PHLDB2: variants seen among roughly 807,000 people sequenced by gnomAD.
The protein encoded by PHLDB2 is pleckstrin homology like domain family B member 2.
PHLDB2 carries 71 observed loss-of-function variants against 123.6 expected under a neutral mutation model. The observed-to-expected ratio is 0.57, with a 90% confidence interval of 0.47 to 0.70. The LOEUF (loss-of-function observed/expected upper bound fraction) is 0.70, where lower values mean the gene tolerates loss of function less well. PHLDB2 is among the 30% of genes least tolerant of loss of function. The pLI is 0.00. For missense variants in PHLDB2, 1,446 were observed against 1,519.5 expected (o/e 0.95, Z 0.80); for synonymous variants, 547 against 541.6 (o/e 1.01, Z -0.14).
At chr3:111,954,793 T>C (rs947035859) in intron 12 of PHLDB2, among the ~76,000 whole-genome samples, 10 of 152,180 alleles carry the variant, frequency 6.6e-5, no homozygotes, top group Admixed American at 6.5e-4. Context: ...TTATAGTCTA[T>C]TGAGGAAGAA....
At chr3:111,930,829 A>C (rs1233981021) in intron 5 of PHLDB2, among the ~76,000 whole-genome samples, 1 of 152,228 alleles carries the variant, frequency 6.6e-6, no homozygotes, top group Non-Finnish European at 1.5e-5. Context: ...TTACAGAACC[A>C]TGTTAGATTG....
intron 2 of PHLDB2, among the ~76,000 whole-genome samples, chr3:111,848,261 G>T (rs1400233049): frequency 6.6e-6 from 1 of 152,086 alleles, no homozygotes; most frequent in Non-Finnish European, 1.5e-5. Context: ...ACTTTCCTTT[G>T]AGAACTAATT....
intron 1 of PHLDB2, among the ~76,000 whole-genome samples, chr3:111,773,289 C>G (rs923097657): frequency 6.6e-6 from 1 of 152,180 alleles, no homozygotes; most frequent in African/African-American, 2.4e-5. Flanking sequence ...TCATGAATCT[C>G]ATTTTTAACC....
At chr3:111,829,684 G>A (rs1432716273) in intron 1 of PHLDB2, among the ~76,000 whole-genome samples, 3 of 151,626 alleles carry the variant, frequency 2.0e-5, no homozygotes, top group African/African-American at 4.8e-5. Flanking sequence ...GGGTGGTCTC[G>A]AACTCCTGAC....
At chr3:111,871,959 A>G (rs1185360737) in intron 1 of PHLDB2, among the ~76,000 whole-genome samples, 3 of 152,240 alleles carry the variant, frequency 2.0e-5, no homozygotes, top group Non-Finnish European at 4.4e-5. Flanking sequence ...TTCTGTGGAT[A>G]TCTTCCAGCG....
At chr3:111,942,057 C>G (rs1329458527) in intron 8 of PHLDB2, among the ~76,000 whole-genome samples, 1 of 152,100 alleles carries the variant, frequency 6.6e-6, no homozygotes, top group African/African-American at 2.4e-5. Context: ...ACACAATATT[C>G]AAAGTCACAG....
intron 2 of PHLDB2, chr3:111,911,857 G>T: frequency 3.9e-6 from 3 of 764,366 alleles, no homozygotes. Context: ...TGTCATTTGA[G>T]TAATGTATTT....
chr3:111,803,734 A>T (rs2061466613), intron 1 of PHLDB2, among the ~76,000 whole-genome samples: 2 of 152,258 alleles, frequency 1.3e-5, no homozygotes, highest in South Asian at 4.1e-4. Flanking sequence ...ATTGAGCGTT[A>T]CTTCCCTCAG....
At chr3:111,777,984 T>G (rs2060296622) in intron 1 of PHLDB2, among the ~76,000 whole-genome samples, 1 of 152,240 alleles carries the variant, frequency 6.6e-6, no homozygotes, top group Admixed American at 6.5e-5. Flanking sequence ...AGATATGTTT[T>G]ATAAGCGTAG....
intron 1 of PHLDB2, among the ~76,000 whole-genome samples, chr3:111,863,129 G>T (rs2064915958): frequency 6.6e-6 from 1 of 152,164 alleles, no homozygotes; most frequent in Admixed American, 6.5e-5. Flanking sequence ...TGGGGCACGT[G>T]CCTGGGTGCC....
intron 2 of PHLDB2, among the ~76,000 whole-genome samples, chr3:111,890,226 T>A (rs765373202): frequency 6.6e-6 from 1 of 152,218 alleles, no homozygotes; most frequent in Non-Finnish European, 1.5e-5. Context: ...GAGATAACTG[T>A]CAGTTGTATG....
chr3:111,858,239 TGG>T (rs896718370), upstream of PHLDB2, among the ~76,000 whole-genome samples: 2 of 151,100 alleles, frequency 1.3e-5, no homozygotes, highest in African/African-American at 4.9e-5. Context: ...TCATCATAAG[TGG>T]GAGTTGAACA....
At chr3:111,889,633 T>C (rs1208460411) in intron 2 of PHLDB2, among the ~76,000 whole-genome samples, 2 of 152,102 alleles carry the variant, frequency 1.3e-5, no homozygotes, top group Non-Finnish European at 2.9e-5. Flanking sequence ...GCTCAGGAGA[T>C]TGAGGCTGCA....
chr3:111,807,708 A>G (rs903331097), intron 1 of PHLDB2, among the ~76,000 whole-genome samples: 1 of 152,148 alleles, frequency 6.6e-6, no homozygotes, highest in Non-Finnish European at 1.5e-5. Context: ...GCAGTGAGCT[A>G]TGATGGACCC....
intron 1 of PHLDB2, among the ~76,000 whole-genome samples, chr3:111,834,056 A>T (rs867114329): frequency 3.5e-4 from 2 of 5,730 alleles, no homozygotes; most frequent in African/African-American, 1.6e-3. Flanking sequence ...ATTATATATA[A>T]TATATGTAAT....
intron 5 of PHLDB2, among the ~76,000 whole-genome samples, chr3:111,922,212 T>C (rs1175493097): frequency 6.6e-6 from 1 of 152,202 alleles, no homozygotes. Flanking sequence ...TCCTAATCCA[T>C]GTAGTTATTT....
chr3:111,941,970 TA>T (rs2069926862), intron 8 of PHLDB2, among the ~76,000 whole-genome samples: 1 of 152,188 alleles, frequency 6.6e-6, no homozygotes, highest in South Asian at 2.1e-4. Context: ...AATGGAGTTG[TA>T]TTTTCCCTCT....
intron 1 of PHLDB2, among the ~76,000 whole-genome samples, chr3:111,763,779 C>T (rs2060033905): frequency 6.6e-6 from 1 of 152,122 alleles, no homozygotes; most frequent in Admixed American, 6.5e-5. Context: ...CCTTCTACCA[C>T]ATGATGACAC....
chr3:111,743,260 G>C (rs1559807886), intron 1 of PHLDB2, among the ~76,000 whole-genome samples: 1 of 152,182 alleles, frequency 6.6e-6, no homozygotes, highest in Non-Finnish European at 1.5e-5. Context: ...GATAAGAGGA[G>C]AGTCTGGGGA....
Sources: gnomAD v4.1 joint callset for allele counts (sites outside exome capture counted in the v4.1 genomes callset) on GRCh38, gnomAD v4.1.1 for gene constraint, MANE v1.5 for transcripts, NCBI Gene and HGNC (gene_info 2026-07-23, HGNC 2026-07-21) for gene names.